The following ACADSB variants were observed in gnomAD, a reference collection of about 807,000 sequenced individuals.
ACADSB encodes the protein short/branched chain specific acyl-CoA dehydrogenase, mitochondrial.
Under a neutral mutation model 54.1 loss-of-function variants are expected in ACADSB, and 40 were observed. The ratio of observed to expected loss-of-function variants is 0.74; its 90% CI spans 0.57 to 0.96. The LOEUF (loss-of-function observed/expected upper bound fraction) is 0.96. ACADSB is among the 40% of genes least tolerant of loss of function. The pLI, the probability that ACADSB is intolerant of heterozygous loss-of-function variation, is 0.00. For missense variants in ACADSB, 530 were observed against 510.4 expected, an observed-to-expected ratio of 1.04 and a Z score of -0.37; for synonymous variants, 182 against 182.8, an observed-to-expected ratio of 1.00 and a Z score of 0.03.
rs1140591 is a variant in ACADSB at position 123,041,337 on chromosome 10, C to T, written c.639C>T (p.His213=). ...GSKMWISSAE[H]AGLFLVMANV... is the part of the protein sequence containing the mutation. ...AGATGTGGATCAGCAGTGCTGAGCA[C>T]GCAGGGCTCTTTCTGGTGATGGCAA... Residue 213 remains histidine (H), a synonymous_variant, in exon 5 of 11, where the codon CAC becomes CAT. Transcript: ENST00000358776. The T allele has an allele frequency of 0.23, 378,219 of 1,613,666 alleles. 45,199 individuals carry two copies. The highest frequency in any genetic ancestry group is 0.31 in the South Asian group (28,388 of 91,082).
rs182933708 is a variant in ACADSB, at chr10:123,020,298, G to T, written c.42+11227G>T. 3.0e-3 allele frequency among the ~76,000 whole-genome samples: 455 copies of T among 151,998 alleles called. 1 individual carries two copies. Among genetic ancestry groups the T allele is most frequent in the Non-Finnish European group, 3.7e-3 (252 of 67,916 alleles). ...AGGGCCAAAAACTCCCCAGGAGGGG[G>T]AATTTCTAATAGCCTCATTTCCCAG... is the stretch of plus-strand genomic sequence containing the variant. On this transcript the variant is annotated intron_variant, in intron 1 of 10. Transcript: ENST00000358776.
At position 123,052,388 on chromosome 10, in the gene ACADSB, T is replaced by C. The variant is rs1030686640; in HGVS notation, c.1129-673T>C. On this transcript the variant is annotated intron_variant, in intron 9 of 10. Coordinates refer to ENST00000358776, the MANE Select transcript of ACADSB (RefSeq NM_001609.4). The surrounding 1 kb of genome is among the most constrained non-coding windows in gnomAD (Gnocchi z 4.2). The stretch of plus-strand genomic sequence containing the variant: ...CAACAATGTGGCATGTTCAGATCTC[T>C]CTCTGACTCTGCTTCCTGTCTCCAT... Among the ~76,000 whole-genome samples, 1 of 152,196 alleles carries C rather than the reference T, an allele frequency of 6.6e-6. No homozygotes were observed. Among genetic ancestry groups the C allele is most frequent in the African/African-American group, 2.4e-5 (1 of 41,448 alleles).
At chr10:123,009,837 C>T (rs752346225) in intron 1 of ACADSB, among the ~76,000 whole-genome samples, 1 of 152,244 alleles carries the variant, frequency 6.6e-6, no homozygotes. Flanking sequence ...ATATAGCATG[C>T]TTTTCAGAAC....
At chr10:123,020,819 A>T (rs1048077952) in intron 1 of ACADSB, among the ~76,000 whole-genome samples, 17 of 152,240 alleles carry the variant, frequency 1.1e-4, no homozygotes, top group Non-Finnish European at 1.8e-4. Flanking sequence ...GCTGACCAAC[A>T]TGGTGAAACC....
intron 1 of ACADSB, among the ~76,000 whole-genome samples, chr10:123,013,820 G>A (rs559557364): frequency 6.6e-6 from 1 of 152,294 alleles, no homozygotes; most frequent in East Asian, 1.9e-4. Flanking sequence ...CCAAGCCCAC[G>A]CCCACCCGGA....
At position 123,051,053 on chromosome 10, in the gene ACADSB, T is replaced by C; in HGVS notation, c.995T>C (p.Leu332Pro). The C allele has an allele frequency of 6.2e-7, 1 of 1,612,064 alleles. No homozygotes were observed. Among genetic ancestry groups the C allele is most frequent in the Non-Finnish European group, 8.5e-7 (1 of 1,179,800 alleles). The change falls in exon 9 of 11, where the codon CTC (leucine) becomes CCC (proline). Residue 332 changes from leucine (L) to proline (P), a missense_variant. Coordinates refer to ENST00000358776, the MANE Select transcript of ACADSB (RefSeq NM_001609.4). Reference protein sequence around the residue: ...FGKRLFDFQGLQHQVAHVATQ... With the variant: ...FGKRLFDFQGPQHQVAHVATQ... ...ACTTGGGCCTGACTGTTACAGGGCC[T>C]CCAACACCAAGTGGCTCACGTGGCC...
chr10:123,051,658 C>T (rs1850635112), intron 9 of ACADSB, among the ~76,000 whole-genome samples: 1 of 152,204 alleles, frequency 6.6e-6, no homozygotes, highest in South Asian at 2.1e-4. Context: ...CTAAAACTTT[C>T]TACTCATACA....
chr10:123,025,497 A>G (rs1850239901), intron 1 of ACADSB, among the ~76,000 whole-genome samples: 1 of 152,032 alleles, frequency 6.6e-6, no homozygotes. Flanking sequence ...AAATAAAATA[A>G]TGTGTTTGCA....
At chr10:123,021,616 A>G (rs1418176037) in intron 1 of ACADSB, among the ~76,000 whole-genome samples, 1 of 152,222 alleles carries the variant, frequency 6.6e-6, no homozygotes, top group Non-Finnish European at 1.5e-5. Flanking sequence ...TAAACATCAC[A>G]CGCATAACAC....
At chr10:123,045,143 A>ATTTTT (rs1850535710) in intron 7 of ACADSB, among the ~76,000 whole-genome samples, 1 of 15,370 alleles carries the variant, frequency 6.5e-5, no homozygotes. Flanking sequence ...ATATATATAT[A>ATTTTT]TATATATATA....
In ACADSB at chr10:123,050,910, T is replaced by C. The variant is rs1850621918; in HGVS notation, c.991-139T>C. On this transcript the variant is annotated intron_variant, in intron 8 of 10. Coordinates refer to ENST00000358776, the MANE Select transcript of ACADSB (RefSeq NM_001609.4). ...TCATTTTAGATTACTCATTTTAAAG[T>C]ATTTAAAAGACGTGAATGTAAATTT... 6 of 779,414 alleles carry C rather than the reference T, an allele frequency of 7.7e-6. No homozygotes were observed. The East Asian group carries it at 1.6e-4, about 21-fold the overall frequency. 48.3% of individuals were successfully genotyped at this position (779,414 alleles called of 1,614,324 possible).
chr10:123,021,664 TG>T (rs1850186454), intron 1 of ACADSB, among the ~76,000 whole-genome samples: 1 of 152,154 alleles, frequency 6.6e-6, no homozygotes, highest in South Asian at 2.1e-4. Flanking sequence ...GTGCAGTAGT[TG>T]TAAGATTTTT....
intron 6 of ACADSB, among the ~76,000 whole-genome samples, chr10:123,043,925 C>T (rs1850513731): frequency 6.6e-6 from 1 of 152,078 alleles, no homozygotes; most frequent in African/African-American, 2.4e-5. Flanking sequence ...CTTTCTTGTG[C>T]ATACACCTGT....
rs531031485 is a variant in ACADSB, at chr10:123,030,239, T to G, written c.43-4117T>G. ...ACCCACAGAGTATAAGAATTTCTCCTTTCTAGCTGGGCACGGTGGCTCACG... is the reference window on the plus strand; with the variant it reads ...ACCCACAGAGTATAAGAATTTCTCCGTTCTAGCTGGGCACGGTGGCTCACG... On this transcript the variant is annotated intron_variant, in intron 1 of 10. Coordinates refer to ENST00000358776, the MANE Select transcript of ACADSB (RefSeq NM_001609.4). 1.5e-3 allele frequency among the ~76,000 whole-genome samples: 228 copies of G among 152,188 alleles called. 2 individuals carry two copies. Among genetic ancestry groups the G allele is most frequent in the African/African-American group, 5.1e-3 (212 of 41,552 alleles).
intron 1 of ACADSB, among the ~76,000 whole-genome samples, chr10:123,017,390 T>C (rs1850121736): frequency 6.6e-6 from 1 of 152,214 alleles, no homozygotes; most frequent in Non-Finnish European, 1.5e-5. Context: ...TGATCTCAGC[T>C]CACTGCAACC....
intron 1 of ACADSB, among the ~76,000 whole-genome samples, chr10:123,021,803 G>A (rs1387538253): frequency 1.3e-5 from 2 of 152,180 alleles, no homozygotes; most frequent in Non-Finnish European, 2.9e-5. Flanking sequence ...TAGATTTTGA[G>A]AGGGATCTAT....
rs556758560 is a variant in ACADSB, at chr10:123,032,348, C to T, written c.43-2008C>T. Among the ~76,000 whole-genome samples, 184 of 152,206 alleles carry T rather than the reference C, an allele frequency of 1.2e-3. 2 individuals carry two copies. The highest frequency in any genetic ancestry group is 4.3e-3 in the African/African-American group (177 of 41,518). ...TATTAACTAACAGACACATAGAATTCTGTCACAGGTTTAGTGAAGTAAATA... is the reference window on the plus strand; with the variant it reads ...TATTAACTAACAGACACATAGAATTTTGTCACAGGTTTAGTGAAGTAAATA... On this transcript the variant is annotated intron_variant, in intron 1 of 10. Coordinates refer to ENST00000358776, the MANE Select transcript of ACADSB (RefSeq NM_001609.4).
chr10:123,030,053 C>G (rs1051296010), intron 1 of ACADSB, among the ~76,000 whole-genome samples: 1 of 152,266 alleles, frequency 6.6e-6, no homozygotes, highest in Non-Finnish European at 1.5e-5. Flanking sequence ...AGGAGGAGCT[C>G]TCATAACCTA....
chr10:123,023,555 C>T (rs904094309), intron 1 of ACADSB, among the ~76,000 whole-genome samples: 6 of 152,170 alleles, frequency 3.9e-5, no homozygotes, highest in Non-Finnish European at 7.3e-5. Flanking sequence ...AATACAGGCT[C>T]ACCAGTTTTA....
Sources: allele counts gnomAD v4.1 joint callset (sites outside exome capture counted in the v4.1 genomes callset), GRCh38; gene constraint gnomAD v4.1.1; non-coding constraint Gnocchi (gnomAD v3.1); transcripts MANE v1.5; gene names NCBI Gene and HGNC (gene_info 2026-07-23, HGNC 2026-07-21).